The following PDZD9 variants were observed in gnomAD, a reference collection of about 807,000 sequenced individuals.
PDZD9 encodes PDZ domain-containing protein 9.
In PDZD9, 13 loss-of-function variants were observed where a neutral mutation model predicts 16.3. That is an observed-to-expected ratio of 0.80 (90% CI 0.52 to 1.27). The LOEUF is 1.27. Ranked by LOEUF, PDZD9 falls within the 50% of genes most tolerant of loss-of-function variation. The pLI is 0.00. For synonymous variants in PDZD9, 120 were observed against 111.0 expected (o/e 1.08, Z -0.51); for missense variants, 288 against 310.9 (o/e 0.93, Z 0.55).
downstream of PDZD9, chr16:21,980,635 T>C: frequency 6.2e-7 from 1 of 1,614,226 alleles, no homozygotes; most frequent in Non-Finnish European, 8.5e-7. Flanking sequence ...AGTTGCTGGT[T>C]CTTACATGCC....
the PDZD9 span, among the ~76,000 whole-genome samples, chr16:21,974,425 A>G: frequency 3.3e-5 from 5 of 151,022 alleles, no homozygotes; most frequent in African/African-American, 1.2e-4. Context: ...GTAAACAGAA[A>G]GAAAAAGAGA....
At chr16:21,965,580 G>A in the PDZD9 span, 278 of 1,263,470 alleles carry the variant, frequency 2.2e-4, 1 homozygote, top group Admixed American at 1.8e-4. Context: ...AGGTTTGTTT[G>A]TTAATTTTTC....
At chr16:21,960,250 G>A in the PDZD9 span, among the ~76,000 whole-genome samples, 1 of 152,022 alleles carries the variant, frequency 6.6e-6, no homozygotes, top group Non-Finnish European at 1.5e-5. Flanking sequence ...ATAACGTGCT[G>A]CAGCTTCTAT....
At chr16:21,980,580 G>A, downstream of PDZD9, 6 of 1,614,172 alleles carry the variant, frequency 3.7e-6, no homozygotes, top group Non-Finnish European at 5.1e-6. Flanking sequence ...TAATGTCAGT[G>A]GAGTCTTCTG....
the PDZD9 span, chr16:21,976,756 T>G: frequency 6.6e-6 from 1 of 152,240 alleles, no homozygotes; most frequent in African/African-American, 2.4e-5. Context: ...TGTATACTTT[T>G]TTATCTTATT....
chr16:21,969,547 C>G, the PDZD9 span, among the ~76,000 whole-genome samples: 1 of 152,002 alleles, frequency 6.6e-6, no homozygotes, highest in Non-Finnish European at 1.5e-5. Flanking sequence ...AATACAATTC[C>G]AAATGTTTAC....
chr16:21,961,824 G>A, the PDZD9 span, among the ~76,000 whole-genome samples: 1 of 151,050 alleles, frequency 6.6e-6, no homozygotes, highest in Admixed American at 6.6e-5. Context: ...GCTAATTTTT[G>A]TATTTTCAGT....
chr16:21,976,070 C>A, the PDZD9 span: 1 of 762,658 alleles, frequency 1.3e-6, no homozygotes. Flanking sequence ...TGGAACTAAC[C>A]TTCCATCTGT....
Position 21,996,308 on chromosome 16 carries a change from G to A in PDZD9, c.211+14C>T, listed in dbSNP as rs779040923. 47 of 1,532,246 alleles carry A rather than the reference G, an allele frequency of 3.1e-5. No homozygotes were observed. The highest frequency in any genetic ancestry group is 3.9e-4 in the Middle Eastern group (2 of 5,132). The allele number at this position is 1,532,246 out of a possible 1,614,324, so 94.9% of individuals were successfully genotyped here. A position where few individuals can be genotyped will look rare whatever the true frequency, so the allele number is the denominator to read the frequency against. ...AGGATGGGTGGTTGGGAAGCATGGC[G>A]AAAGGGCAATCACCTGGCTGGAGTT... is the stretch of plus-strand genomic sequence containing the variant. On this transcript the variant is annotated intron_variant, in intron 2 of 3. Coordinates refer to ENST00000424898, the MANE Select transcript of PDZD9 (RefSeq NM_001363519.1).
At chr16:21,963,971 A>C in the PDZD9 span, among the ~76,000 whole-genome samples, 1 of 152,180 alleles carries the variant, frequency 6.6e-6, no homozygotes, top group African/African-American at 2.4e-5. Flanking sequence ...CTAATTATAT[A>C]ATCTTGACAA....
the PDZD9 span, among the ~76,000 whole-genome samples, chr16:21,977,339 G>A: frequency 6.6e-6 from 1 of 151,552 alleles, no homozygotes; most frequent in Admixed American, 6.6e-5. Flanking sequence ...GGGCAACAGA[G>A]CAAGACCCTG....
At chr16:21,974,760 T>C in the PDZD9 span, among the ~76,000 whole-genome samples, 7 of 152,062 alleles carry the variant, frequency 4.6e-5, no homozygotes, top group African/African-American at 1.4e-4. Context: ...ATATCGGAGA[T>C]AGAAAATTAT....
chr16:21,976,280 TATTTG>T, the PDZD9 span: 1 of 1,508,352 alleles, frequency 6.6e-7, no homozygotes, highest in Non-Finnish European at 9.2e-7. Context: ...ATGTTTTTGT[TATTTG>T]AAAGTTGTAT....
At chr16:21,985,133 T>A (rs1476183140) in intron 3 of PDZD9, among the ~76,000 whole-genome samples, 1 of 151,976 alleles carries the variant, frequency 6.6e-6, no homozygotes, top group African/African-American at 2.4e-5. Context: ...GTCTTTTTTT[T>A]AGAGAGGGTC....
At chr16:21,969,355 G>T in the PDZD9 span, among the ~76,000 whole-genome samples, 1 of 152,090 alleles carries the variant, frequency 6.6e-6, no homozygotes, top group South Asian at 2.1e-4. Flanking sequence ...CCAACATGGC[G>T]AAACCCCGTC....
chr16:21,990,143 A>G (rs941032006), intron 2 of PDZD9, among the ~76,000 whole-genome samples: 2 of 152,280 alleles, frequency 1.3e-5, no homozygotes, highest in East Asian at 1.9e-4. Context: ...GTTTTTTGCA[A>G]TGAGGAACCC....
chr16:21,962,682 G>C, the PDZD9 span: 1 of 1,601,618 alleles, frequency 6.2e-7, no homozygotes, highest in Non-Finnish European at 8.5e-7. Context: ...TTCACATTGA[G>C]AGCATTACAG....
chr16:21,968,596 TATAAC>T, the PDZD9 span: 1 of 1,568,488 alleles, frequency 6.4e-7, no homozygotes, highest in Non-Finnish European at 8.7e-7. Flanking sequence ...TTTATGCTAA[TATAAC>T]CTAATAAGTG....
At chr16:21,973,934 C>A in the PDZD9 span, 1 of 1,612,648 alleles carries the variant, frequency 6.2e-7, no homozygotes, top group South Asian at 1.1e-5. Context: ...ATTCTGGACT[C>A]TTTGGGATTT....
Sources: allele counts gnomAD v4.1 joint callset (sites outside exome capture counted in the v4.1 genomes callset), GRCh38; gene constraint gnomAD v4.1.1; transcripts MANE v1.5; gene names NCBI Gene and HGNC (gene_info 2026-07-23, HGNC 2026-07-21).